Variants in SLC9B1 observed in about 807,000 individuals in gnomAD.
SLC9B1 encodes the protein solute carrier family 9 member B1, also known as sodium/hydrogen exchanger 9B1.
In SLC9B1, 32 loss-of-function variants were observed where a neutral mutation model predicts 51.7. That is an observed-to-expected ratio of 0.62 (90% CI 0.47 to 0.83). The LOEUF is 0.83. Ranked by LOEUF, SLC9B1 falls within the 40% of genes least tolerant of loss-of-function variation. The pLI, the probability that SLC9B1 is intolerant of heterozygous loss-of-function variation, is 0.00. For synonymous variants in SLC9B1, 145 were observed against 212.7 expected (o/e 0.68, Z 2.77); for missense variants, 406 against 613.2 (o/e 0.66, Z 3.57).
chr4:102,899,236 A>G (rs1191108013), downstream of SLC9B1, among the ~76,000 whole-genome samples: 5 of 151,224 alleles, frequency 3.3e-5, no homozygotes, highest in Non-Finnish European at 5.9e-5. Flanking sequence ...ACACTTAGAG[A>G]AAGTTCAATA....
intron 6 of SLC9B1, 22 bp downstream of exon 6, chr4:102,945,171 G>GA: frequency 1.3e-6 from 2 of 1,543,682 alleles, no homozygotes; most frequent in Admixed American, 2.0e-5. Flanking sequence ...ATTTTCATAA[G>GA]AAAAAATGAG....
chr4:102,949,827 G>A (rs1323908574), intron 3 of SLC9B1, among the ~76,000 whole-genome samples: 1 of 152,116 alleles, frequency 6.6e-6, no homozygotes, highest in East Asian at 1.9e-4. Context: ...CAGGCGTGGT[G>A]GTGCGTGCCT....
chr4:102,943,128 C>T (rs1578367054), intron 6 of SLC9B1, among the ~76,000 whole-genome samples: 1 of 149,796 alleles, frequency 6.7e-6, no homozygotes, highest in East Asian at 1.9e-4. Context: ...CAATGCAATA[C>T]CATCTCACTC....
intron 3 of SLC9B1, chr4:102,963,169 C>A (rs971442134): frequency 8.3e-6 from 3 of 359,312 alleles, no homozygotes; most frequent in African/African-American, 2.1e-5. Context: ...TGCAGAGGTT[C>A]AGGTGGTAAT....
chr4:102,993,286 G>A (rs1740043589), intron 1 of SLC9B1, among the ~76,000 whole-genome samples: 1 of 152,094 alleles, frequency 6.6e-6, no homozygotes, highest in Non-Finnish European at 1.5e-5. Flanking sequence ...TACAATGAGG[G>A]TACTGGGAGA....
At chr4:103,011,644 C>T (rs776113707) in intron 1 of SLC9B1, among the ~76,000 whole-genome samples, 11 of 152,148 alleles carry the variant, frequency 7.2e-5, no homozygotes, top group African/African-American at 2.2e-4. Flanking sequence ...GAAATCTATG[C>T]GGAGATAGCC....
At chr4:102,975,835 G>C (rs1169011366) in intron 3 of SLC9B1, among the ~76,000 whole-genome samples, 1 of 151,634 alleles carries the variant, frequency 6.6e-6, no homozygotes, top group African/African-American at 2.4e-5. Flanking sequence ...CCAAAGTGCT[G>C]GGATTACAGG....
intron 7 of SLC9B1, chr4:102,912,007 C>T (rs1322140768): frequency 1.1e-5 from 2 of 184,398 alleles, no homozygotes; most frequent in African/African-American, 5.0e-5. Flanking sequence ...GTGGCACACA[C>T]CTGTGGTCCC....
chr4:102,893,390 T>C lies in SLC9B1; in HGVS notation c.1333-8062A>G, dbSNP rs189249771. Among the ~76,000 whole-genome samples the C allele has an allele frequency of 5.0e-4, 75 of 151,396 alleles. No homozygotes were observed. In the East Asian group the frequency reaches 0.014, roughly 28 times the overall value. ...TGGAAAATCTAGAGAAAATGGGTAA[T>C]TTTCTGGAAAAATATAAATGACCAA... On this transcript the variant is annotated intron_variant, in intron 11 of 11. Transcript: ENST00000394789.
chr4:102,966,329 AG>A lies in SLC9B1; in HGVS notation c.212-16903del, dbSNP rs748149831. On this transcript the variant is annotated intron_variant, in intron 3 of 11. Transcript: ENST00000296422. The stretch of plus-strand genomic sequence containing the variant: ...GTACATTCCTTAAAATCTAGGTGGA[AG>A]CCACCATGACTACACTTCTCTTGTA... Among the ~76,000 whole-genome samples, 104 of 152,250 alleles carry A rather than the reference AG, an allele frequency of 6.8e-4. 1 individual carries two copies. The highest frequency in any genetic ancestry group is 3.6e-3 in the Admixed American group (55 of 15,304).
At chr4:102,946,570 A>T in intron 5 of SLC9B1, 77 bp downstream of exon 5, 2 of 1,501,146 alleles carry the variant, frequency 1.3e-6, no homozygotes, top group Non-Finnish European at 1.8e-6. Flanking sequence ...AGGAAAATAA[A>T]ATTTTTGCTT....
At chr4:102,978,501 C>T (rs1004268598) in intron 3 of SLC9B1, among the ~76,000 whole-genome samples, 10 of 152,160 alleles carry the variant, frequency 6.6e-5, no homozygotes, top group Admixed American at 1.3e-4. Flanking sequence ...AACCAGTGGG[C>T]GAAGGATATG....
intron 3 of SLC9B1, among the ~76,000 whole-genome samples, chr4:102,954,510 T>G (rs1737679632): frequency 6.7e-6 from 1 of 150,184 alleles, no homozygotes; most frequent in South Asian, 2.1e-4. Flanking sequence ...CATAATCGAA[T>G]AAACAATAGA....
intron 3 of SLC9B1, among the ~76,000 whole-genome samples, chr4:102,965,786 A>AT (rs1427436960): frequency 3.3e-5 from 1 of 30,304 alleles, no homozygotes; most frequent in Admixed American, 3.6e-4. Context: ...TAAAATAATA[A>AT]AAAAAAAAAC....
At chr4:102,919,350 A>G (rs1274674827) in intron 7 of SLC9B1, among the ~76,000 whole-genome samples, 2 of 152,212 alleles carry the variant, frequency 1.3e-5, no homozygotes, top group Non-Finnish European at 2.9e-5. Flanking sequence ...TTGTGAATGC[A>G]TAAAACTGAA....
At chr4:102,934,067 G>A (rs1008755899) in intron 6 of SLC9B1, among the ~76,000 whole-genome samples, 1 of 152,130 alleles carries the variant, frequency 6.6e-6, no homozygotes, top group Non-Finnish European at 1.5e-5. Context: ...CACCATGCCC[G>A]GCCAAAGCCT....
At chr4:102,916,664 A>G (rs1735592033) in intron 7 of SLC9B1, among the ~76,000 whole-genome samples, 1 of 152,242 alleles carries the variant, frequency 6.6e-6, no homozygotes, top group South Asian at 2.1e-4. Context: ...AGACTTTTCC[A>G]GGATAAATGG....
intron 7 of SLC9B1, among the ~76,000 whole-genome samples, chr4:102,924,609 A>G (rs539262491): frequency 1.3e-5 from 2 of 152,364 alleles, no homozygotes; most frequent in East Asian, 3.9e-4. Flanking sequence ...CTACCATCAG[A>G]GTGAACAGAC....
intron 1 of SLC9B1, among the ~76,000 whole-genome samples, chr4:103,009,453 T>C (rs1288852766): frequency 6.6e-6 from 1 of 152,250 alleles, no homozygotes; most frequent in African/African-American, 2.4e-5. Flanking sequence ...AAGAAAGGTA[T>C]GCCAATTAAA....
Sources: allele counts gnomAD v4.1 joint callset (sites outside exome capture counted in the v4.1 genomes callset), GRCh38; gene constraint gnomAD v4.1.1; transcripts MANE v1.5; gene names NCBI Gene and HGNC (gene_info 2026-07-23, HGNC 2026-07-21).